NEDD4L: variants seen among roughly 807,000 people sequenced by gnomAD.
The protein encoded by NEDD4L is NEDD4 like E3 ubiquitin protein ligase.
A neutral mutation model predicts 148.9 loss-of-function variants in NEDD4L; 54 were observed. That is an observed-to-expected ratio of 0.36 (90% CI 0.29 to 0.45). NEDD4L has a LOEUF of 0.45. NEDD4L is among the 20% of genes least tolerant of loss of function. The pLI, the probability that NEDD4L is intolerant of heterozygous loss-of-function variation, is 1.00. For synonymous variants in NEDD4L, 433 were observed against 440.7 expected, an observed-to-expected ratio of 0.98 and a Z score of 0.22; for missense variants, 856 against 1,233.8, an observed-to-expected ratio of 0.69 and a Z score of 4.59.
intron 24 of NEDD4L, among the ~76,000 whole-genome samples, chr18:58,375,322 A>C (rs1031310758): frequency 2.0e-5 from 3 of 151,590 alleles, no homozygotes; most frequent in African/African-American, 7.3e-5. Flanking sequence ...TCTAGTGCCT[A>C]CCCTGTTCTC....
In NEDD4L at chr18:58,063,058, TTTTTTG is replaced by T. The variant is rs1266192369; in HGVS notation, c.48+18351_48+18356del. Among the ~76,000 whole-genome samples the T allele has an allele frequency of 1.2e-4, 8 of 67,982 alleles. No individual in the cohort carries two copies. The East Asian group carries it at 2.1e-3, about 18-fold the overall frequency. 44.6% of individuals were successfully genotyped at this position (67,982 alleles called of 152,430 possible). ...TTTGTTCTTTTTTTTTTTTTTTTTTTTTTTTGAGACAGTATCTCACTCTGTTGCCCA... is the reference window on the plus strand; with the variant it reads ...TTTGTTCTTTTTTTTTTTTTTTTTTTAGACAGTATCTCACTCTGTTGCCCA... On this transcript the variant is annotated intron_variant, in intron 1 of 30. Coordinates refer to ENST00000400345, the MANE Select transcript of NEDD4L (RefSeq NM_001144967.3).
chr18:58,186,772 A>G (rs1251353497), intron 2 of NEDD4L, among the ~76,000 whole-genome samples: 1 of 152,188 alleles, frequency 6.6e-6, no homozygotes, highest in Non-Finnish European at 1.5e-5. Context: ...CTCTCTTCTC[A>G]TGCTCACTGC....
intron 2 of NEDD4L, among the ~76,000 whole-genome samples, chr18:58,215,159 C>A (rs1024381906): frequency 6.6e-6 from 1 of 152,078 alleles, no homozygotes; most frequent in Non-Finnish European, 1.5e-5. Flanking sequence ...TAGTTAAGTT[C>A]CCATAGTTGA....
intron 26 of NEDD4L, 97 bp from the exon 27 acceptor site, chr18:58,387,342 A>AT (rs1185537429): frequency 1.1e-5 from 15 of 1,353,764 alleles, no homozygotes; most frequent in Admixed American, 3.0e-5. Flanking sequence ...GAGAGATTAT[A>AT]TTTTTTTCTG....
chr18:58,311,402 C>T (rs1286134588), intron 5 of NEDD4L, among the ~76,000 whole-genome samples: 1 of 152,196 alleles, frequency 6.6e-6, no homozygotes, highest in African/African-American at 2.4e-5. Context: ...TGCTCTGTTA[C>T]CCCGGCTGGA....
At chr18:58,230,329 A>G (rs2044989829) in intron 2 of NEDD4L, among the ~76,000 whole-genome samples, 1 of 152,178 alleles carries the variant, frequency 6.6e-6, no homozygotes, top group Admixed American at 6.5e-5. Context: ...TAATATGTTC[A>G]TGCTTTTAGT....
chr18:58,045,433 A>C, intron 1 of NEDD4L: 1 of 306,502 alleles, frequency 3.3e-6, no homozygotes, highest in Non-Finnish European at 5.9e-6. Flanking sequence ...GGAAAGCTTA[A>C]TTGATCTCTT....
At position 58,165,777 on chromosome 18, in the gene NEDD4L, CCTT is replaced by C. The variant is rs2146617044; in HGVS notation, c.49-8_49-6del. The C allele has an allele frequency of 6.2e-7, 1 of 1,606,562 alleles. No individual in the cohort carries two copies. Among genetic ancestry groups the C allele is most frequent in the Non-Finnish European group, 8.5e-7 (1 of 1,175,548 alleles). ...GGTTTTTAACCTCTTTTTTTGTTCTCCTTCTCACAGGGAGAGTCCCGTATTCTC... is the reference window on the plus strand; with the variant it reads ...GGTTTTTAACCTCTTTTTTTGTTCTCCTCACAGGGAGAGTCCCGTATTCTC... On this transcript the variant is annotated splice_region_variant and splice_polypyrimidine_tract_variant and intron_variant, in intron 1 of 30. Coordinates refer to ENST00000400345, the MANE Select transcript of NEDD4L (RefSeq NM_001144967.3).
intron 5 of NEDD4L, among the ~76,000 whole-genome samples, chr18:58,273,194 C>T (rs2051328780): frequency 1.3e-5 from 2 of 152,126 alleles, no homozygotes; most frequent in Admixed American, 1.3e-4. Flanking sequence ...AAACAGGGGC[C>T]CCTGGATTGT....
At chr18:58,130,193 T>C (rs1443587068) in intron 1 of NEDD4L, among the ~76,000 whole-genome samples, 5 of 145,886 alleles carry the variant, frequency 3.4e-5, no homozygotes, top group Non-Finnish European at 7.5e-5. Flanking sequence ...TGTGGCGGTG[T>C]TGGGCTCTGT....
chr18:58,316,999 G>A (rs1032071286), intron 6 of NEDD4L, among the ~76,000 whole-genome samples: 1 of 133,058 alleles, frequency 7.5e-6, no homozygotes, highest in African/African-American at 2.9e-5. Context: ...TAAGCTTCCT[G>A]CTGTGTGGAA....
chr18:58,307,249 C>T (rs889453008), intron 5 of NEDD4L, among the ~76,000 whole-genome samples: 3 of 152,146 alleles, frequency 2.0e-5, no homozygotes, highest in Admixed American at 6.5e-5. Flanking sequence ...CCTGGCCCCT[C>T]GTCTTCTTGG....
rs148415412 is a variant in NEDD4L at position 58,388,811 on chromosome 18, G to T, written c.2548-274G>T. On this transcript the variant is annotated intron_variant, in intron 27 of 30. Transcript: ENST00000400345. ...CAGGTCCCATGCGTAAGACTAGAGG[G>T]GTAGGGAGGACGACTGTGGCATTTT... 2.2e-5 allele frequency: 10 copies of T among 448,458 alleles called. 1 individual carries two copies. In the South Asian group the frequency reaches 2.3e-4, roughly 10 times the overall value. 27.8% of individuals were successfully genotyped at this position (448,458 alleles called of 1,614,324 possible).
chr18:58,142,148 G>T (rs1347151901), intron 1 of NEDD4L, among the ~76,000 whole-genome samples: 1 of 143,042 alleles, frequency 7.0e-6, no homozygotes, highest in Non-Finnish European at 1.5e-5. Context: ...CTGGGTTCAC[G>T]CCATTCTCCT....
At chr18:58,120,607 G>A (rs867558817) in intron 1 of NEDD4L, among the ~76,000 whole-genome samples, 2 of 151,876 alleles carry the variant, frequency 1.3e-5, no homozygotes, top group Non-Finnish European at 2.9e-5. Context: ...GTGAAACCCC[G>A]TCTCTACTAA....
At chr18:58,109,493 G>C (rs936722740) in intron 1 of NEDD4L, among the ~76,000 whole-genome samples, 1 of 152,176 alleles carries the variant, frequency 6.6e-6, no homozygotes, top group Non-Finnish European at 1.5e-5. Flanking sequence ...TTTGCTGTGG[G>C]GGTGGTAAGT....
Position 58,328,976 on chromosome 18 carries a change from C to A in NEDD4L, c.681-19C>A. On this transcript the variant is annotated intron_variant, in intron 9 of 30. Coordinates refer to ENST00000400345, the MANE Select transcript of NEDD4L (RefSeq NM_001144967.3). ...CAACCACTTCTCTTCTTCTCTTTCC[C>A]CCTTTCCTGCATGCTCAGGGACGTG... The A allele has an allele frequency of 6.2e-7, 1 of 1,613,846 alleles. No homozygotes were observed. Among genetic ancestry groups the A allele is most frequent in the Non-Finnish European group, 8.5e-7 (1 of 1,179,782 alleles).
intron 16 of NEDD4L, among the ~76,000 whole-genome samples, chr18:58,348,143 T>G (rs1478167362): frequency 2.6e-5 from 4 of 151,724 alleles, no homozygotes; most frequent in Non-Finnish European, 5.9e-5. Context: ...AAGGCAGGCA[T>G]GCACCACCAC....
chr18:58,245,939 C>T (rs1240964992), intron 3 of NEDD4L, among the ~76,000 whole-genome samples: 10 of 147,502 alleles, frequency 6.8e-5, no homozygotes, highest in Admixed American at 1.4e-4. Context: ...CTCAGGTGAT[C>T]CACCTGTCGT....
Sources: gnomAD v4.1 joint callset for allele counts (sites outside exome capture counted in the v4.1 genomes callset) on GRCh38, gnomAD v4.1.1 for gene constraint, MANE v1.5 for transcripts, NCBI Gene and HGNC (gene_info 2026-07-23, HGNC 2026-07-21) for gene names.